The following GRIN2A variants were observed in gnomAD, a reference collection of about 807,000 sequenced individuals.
The protein encoded by GRIN2A is glutamate receptor ionotropic, NMDA 2A.
Under a neutral mutation model 113.4 loss-of-function variants are expected in GRIN2A, and 22 were observed. That is an observed-to-expected ratio of 0.19 (90% CI 0.14 to 0.28). GRIN2A has a LOEUF of 0.28. Among genes scored for constraint, GRIN2A ranks in the 10% least tolerant of loss-of-function variants. GRIN2A has a pLI of 1.00. For synonymous variants in GRIN2A, 827 were observed against 738.4 expected, an observed-to-expected ratio of 1.12 and a Z score of -1.94; for missense variants, 1,502 against 1,887.0, an observed-to-expected ratio of 0.80 and a Z score of 3.78.
In GRIN2A at chr16:9,938,037, A is replaced by T; in HGVS notation, c.929T>A (p.Phe310Tyr). 1 of 1,613,982 alleles carries T rather than the reference A, an allele frequency of 6.2e-7. No homozygotes were observed. Among genetic ancestry groups the T allele is most frequent in the South Asian group, 1.1e-5 (1 of 91,068 alleles). Residue 310 changes from phenylalanine to tyrosine, a missense_variant, in exon 3 of 13, where the codon TTC becomes TAC. Around this residue, in one of 7 missense-constraint regions of GRIN2A, gnomAD observed 334 missense variants for 403.0 expected, o/e 0.83. Transcript: ENST00000330684. ...GGCCTTGGCCTCGGGGATGTAGGAG[A>T]ACTTCTCCAGCATAGAAGATGCAGC... ...TTAASSMLEKFSYIPEAKASC... is the reference protein window; with the variant it reads ...TTAASSMLEKYSYIPEAKASC...
At chr16:9,979,444 G>T (rs59166539) in intron 2 of GRIN2A, among the ~76,000 whole-genome samples, 1 of 151,978 alleles carries the variant, frequency 6.6e-6, no homozygotes. Flanking sequence ...TTTTTCCTCC[G>T]CTGTTCCCAT....
intron 10 of GRIN2A, among the ~76,000 whole-genome samples, chr16:9,814,506 A>G (rs2042149887): frequency 6.6e-6 from 1 of 152,206 alleles, no homozygotes; most frequent in Admixed American, 6.5e-5. Flanking sequence ...ATGCCTGGAC[A>G]TATGATGATG....
At chr16:10,084,433 G>A (rs933763816) in intron 2 of GRIN2A, among the ~76,000 whole-genome samples, 1 of 152,064 alleles carries the variant, frequency 6.6e-6, no homozygotes, top group African/African-American at 2.4e-5. Flanking sequence ...GGAACCTGGG[G>A]TCCAACACCA....
intron 5 of GRIN2A, among the ~76,000 whole-genome samples, chr16:9,845,354 AT>A (rs929061138): frequency 1.2e-4 from 18 of 152,108 alleles, no homozygotes; most frequent in Admixed American, 9.8e-4. Flanking sequence ...AGGGCTTTTG[AT>A]TTTAAAGACT....
intron 2 of GRIN2A, among the ~76,000 whole-genome samples, chr16:9,942,467 C>T (rs1397125084): frequency 1.3e-5 from 2 of 152,144 alleles, no homozygotes; most frequent in African/African-American, 4.8e-5. Context: ...ATGACCCTTC[C>T]ATCACATGGG....
At chr16:10,106,760 G>A (rs1036126209) in intron 2 of GRIN2A, among the ~76,000 whole-genome samples, 2 of 152,176 alleles carry the variant, frequency 1.3e-5, no homozygotes, top group African/African-American at 4.8e-5. Context: ...GGAGAATAAG[G>A]CAGGAATTCA....
intron 2 of GRIN2A, among the ~76,000 whole-genome samples, chr16:10,144,186 C>T (rs539305270): frequency 3.9e-5 from 6 of 152,188 alleles, no homozygotes; most frequent in Non-Finnish European, 4.4e-5. Flanking sequence ...ACTTTTGCAC[C>T]AACCGATAAT....
chr16:9,954,719 A>C (rs1407924755), intron 2 of GRIN2A, among the ~76,000 whole-genome samples: 1 of 152,180 alleles, frequency 6.6e-6, no homozygotes, highest in African/African-American at 2.4e-5. Flanking sequence ...AAAACAAAAC[A>C]AAAAGGTTGG....
chr16:10,079,314 G>A (rs567782755), intron 2 of GRIN2A, among the ~76,000 whole-genome samples: 9 of 152,218 alleles, frequency 5.9e-5, no homozygotes, highest in Non-Finnish European at 1.3e-4. Flanking sequence ...AACTGACTGG[G>A]TAGTCAGGGA....
intron 2 of GRIN2A, among the ~76,000 whole-genome samples, chr16:10,013,360 A>G (rs970847976): frequency 6.6e-6 from 1 of 152,142 alleles, no homozygotes. Context: ...AAGCATCCAC[A>G]TGATGGCAGC....
chr16:10,179,897 T>G, intron 2 of GRIN2A, 101 bp downstream of exon 2: 1 of 468,450 alleles, frequency 2.1e-6, no homozygotes, highest in Non-Finnish European at 4.3e-6. Flanking sequence ...CACCCCCACT[T>G]CACATCAAGA....
intron 2 of GRIN2A, among the ~76,000 whole-genome samples, chr16:10,043,360 A>G (rs995241675): frequency 1.3e-5 from 2 of 152,180 alleles, no homozygotes; most frequent in African/African-American, 4.8e-5. Flanking sequence ...GTGGCACGCT[A>G]AGAAAGCACC....
At chr16:9,810,883 G>C (rs1035989661) in intron 10 of GRIN2A, among the ~76,000 whole-genome samples, 3 of 152,194 alleles carry the variant, frequency 2.0e-5, no homozygotes, top group Non-Finnish European at 4.4e-5. Flanking sequence ...GAGGAAGGAG[G>C]TGGGGCTTGC....
chr16:9,838,474 G>C (rs1207344327), intron 7 of GRIN2A, among the ~76,000 whole-genome samples: 2 of 152,148 alleles, frequency 1.3e-5, no homozygotes, highest in Non-Finnish European at 2.9e-5. Flanking sequence ...CCATAAAAAA[G>C]AATGATGCAA....
chr16:9,919,804 T>C (rs1158344796), intron 3 of GRIN2A, among the ~76,000 whole-genome samples: 1 of 152,234 alleles, frequency 6.6e-6, no homozygotes, highest in Non-Finnish European at 1.5e-5. Context: ...GCTCCTGCCG[T>C]TCTGACCATC....
intron 11 of GRIN2A, among the ~76,000 whole-genome samples, chr16:9,786,120 G>A (rs1902214584): frequency 1.3e-5 from 2 of 152,124 alleles, no homozygotes; most frequent in Non-Finnish European, 2.9e-5. Flanking sequence ...ATTAAAACAC[G>A]TTTAGCAAGG....
rs1463643036 is a variant in GRIN2A, at chr16:10,180,990, C to G, written c.-18-561G>C. ...CTGACCCCGCCCCCTACGAGCCCGT[C>G]GTGTGCACCACACACTTTGCTCTAC... On this transcript the variant is annotated intron_variant, in intron 1 of 12. Transcript: ENST00000330684. The surrounding 1 kb of genome is among the most constrained non-coding windows in gnomAD (Gnocchi z 7.0). 2.2e-4 allele frequency among the ~76,000 whole-genome samples: 33 copies of G among 152,318 alleles called. No individual in the cohort carries two copies. Among genetic ancestry groups the G allele is most frequent in the Non-Finnish European group, 4.0e-4 (27 of 68,024 alleles).
chr16:9,945,636 GTAAGA>G (rs2045001110), intron 2 of GRIN2A, among the ~76,000 whole-genome samples: 1 of 152,176 alleles, frequency 6.6e-6, no homozygotes, highest in Admixed American at 6.5e-5. Context: ...GGGATTTTGT[GTAAGA>G]TAACCCTGTT....
chr16:9,811,741 AG>A (rs1230251418), intron 10 of GRIN2A, among the ~76,000 whole-genome samples: 1 of 152,216 alleles, frequency 6.6e-6, no homozygotes, highest in Non-Finnish European at 1.5e-5. Flanking sequence ...CCCTGGTGAC[AG>A]AGTGAGGCTC....
Sources: gnomAD v4.1 joint callset for allele counts (sites outside exome capture counted in the v4.1 genomes callset) on GRCh38, gnomAD v4.1.1 for gene constraint, gnomAD v4.1.1 regional missense constraint, Gnocchi (gnomAD v3.1) non-coding constraint, MANE v1.5 for transcripts, NCBI Gene and HGNC (gene_info 2026-07-23, HGNC 2026-07-21) for gene names.